The following RHBDF2 variants were observed in gnomAD, a reference collection of about 807,000 sequenced individuals.
The protein encoded by RHBDF2 is inactive rhomboid protein 2.
Under a neutral mutation model 95.2 loss-of-function variants are expected in RHBDF2, and 38 were observed. That is an observed-to-expected ratio of 0.40 (90% confidence interval 0.31 to 0.52). The LOEUF is 0.52. RHBDF2 is among the 20% of genes least tolerant of loss of function. RHBDF2 has a pLI of 0.56. For missense variants in RHBDF2, 863 were observed against 1,137.7 expected (o/e 0.76, Z 3.47); for synonymous variants, 442 against 462.0 (o/e 0.96, Z 0.55).
At chr17:76,489,525 A>G (rs1297525777) in intron 1 of RHBDF2, among the ~76,000 whole-genome samples, 2 of 152,020 alleles carry the variant, frequency 1.3e-5, no homozygotes, top group African/African-American at 2.4e-5. Context: ...GGGTTTCACC[A>G]TGTTAGCCAG....
In RHBDF2 at chr17:76,481,502, C is replaced by T. The variant is rs1416744550; in HGVS notation, c.23G>A (p.Gly8Asp). Residue 8 changes from glycine (G) to aspartate (D), a missense_variant, in exon 3 of 19, where the codon GGC (glycine) becomes GAC (aspartate). Coordinates refer to ENST00000675367, the MANE Select transcript of RHBDF2 (RefSeq NM_001005498.4). ...GCTGGACACAGAGGACACGCTCCCG[C>T]CATTCTTGTCAGCAGAGGCCATTGT... MASADKN[G>D]GSVSSVSSSR... 1 of 1,610,636 alleles carries T rather than the reference C, an allele frequency of 6.2e-7. No homozygotes were observed. The highest frequency in any genetic ancestry group is 1.3e-5 in the African/African-American group (1 of 74,900).
Position 76,497,080 on chromosome 17 carries a change from A to C in RHBDF2, c.-220+4273T>G, listed in dbSNP as rs149981765. 3.3e-3 allele frequency among the ~76,000 whole-genome samples: 506 copies of C among 152,216 alleles called. 3 individuals are homozygous for C. Among genetic ancestry groups the C allele is most frequent in the African/African-American group, 0.011 (468 of 41,540 alleles). On this transcript the variant is annotated intron_variant, in intron 1 of 18. Coordinates refer to ENST00000675367, the MANE Select transcript of RHBDF2 (RefSeq NM_001005498.4). ...CTGGCCCCAGATCTTCTTATGACTA[A>C]ATGGAGCTGACAACCTGGGGAGACC...
chr17:76,479,697 G>T (rs1285180333), intron 4 of RHBDF2, 36 bp downstream of exon 4: 1 of 1,516,130 alleles, frequency 6.6e-7, no homozygotes, highest in Admixed American at 1.7e-5. Flanking sequence ...AGGTTGCTGG[G>T]TGGGGGGTGC....
chr17:76,480,246 C>G (rs534263798), intron 3 of RHBDF2, among the ~76,000 whole-genome samples: 122 of 151,196 alleles, frequency 8.1e-4, no homozygotes, highest in Middle Eastern at 3.4e-3. Context: ...CCACACCCGG[C>G]TAATTTTTGT....
At chr17:76,492,550 G>T (rs1184990211) in intron 1 of RHBDF2, among the ~76,000 whole-genome samples, 1 of 152,132 alleles carries the variant, frequency 6.6e-6, no homozygotes, top group Non-Finnish European at 1.5e-5. Flanking sequence ...GGGTCCCCCC[G>T]CCATGCGGAC....
In RHBDF2 at chr17:76,471,129, T is replaced by C. The variant is rs2073543726; in HGVS notation, c.*504A>G. On this transcript the variant is annotated 3_prime_UTR_variant, in exon 19 of 19. Coordinates refer to ENST00000675367, the MANE Select transcript of RHBDF2 (RefSeq NM_001005498.4). ...CATGGCCAAAGCCTTTCCCACAATGTCCCATCTGAGAGCCTTATGGATGGG... is the reference window on the plus strand; with the variant it reads ...CATGGCCAAAGCCTTTCCCACAATGCCCCATCTGAGAGCCTTATGGATGGG... 6.2e-6 allele frequency: 1 copy of C among 160,576 alleles called. No individual in the cohort carries two copies. Among genetic ancestry groups the C allele is most frequent in the Admixed American group, 5.7e-5 (1 of 17,480 alleles). The allele number at this position is 160,576 out of a possible 1,614,324, so 9.9% of individuals were successfully genotyped here.
rs1598654769 is a variant in RHBDF2, at chr17:76,474,593, C to T, written c.1303-59G>A. On this transcript the variant is annotated intron_variant, in intron 11 of 18. Coordinates refer to ENST00000675367, the MANE Select transcript of RHBDF2 (RefSeq NM_001005498.4). ...TTGAGCCCCAGACCTGGGAGGGGTCCATCACTCCACCTCTGCCCCGCAGAG... is the reference window on the plus strand; with the variant it reads ...TTGAGCCCCAGACCTGGGAGGGGTCTATCACTCCACCTCTGCCCCGCAGAG... The T allele has an allele frequency of 3.7e-6, 6 of 1,610,344 alleles. No homozygotes were observed. In the East Asian group the frequency reaches 1.1e-4, roughly 30 times the overall value.
At chr17:76,491,809 A>AC (rs2074309599) in intron 1 of RHBDF2, among the ~76,000 whole-genome samples, 1 of 152,128 alleles carries the variant, frequency 6.6e-6, no homozygotes, top group Admixed American at 6.5e-5. Flanking sequence ...GGACTGTCAG[A>AC]CCCACTCTGG....
At chr17:76,485,580 T>C (rs1040467598) in intron 2 of RHBDF2, among the ~76,000 whole-genome samples, 2 of 151,582 alleles carry the variant, frequency 1.3e-5, no homozygotes, top group African/African-American at 4.9e-5. Flanking sequence ...GGCGACAGAG[T>C]GAGACTCCGT....
At chr17:76,475,245 C>T in intron 9 of RHBDF2, 104 bp from the exon 10 acceptor site, 1 of 742,020 alleles carries the variant, frequency 1.3e-6, no homozygotes, top group Non-Finnish European at 2.3e-6. Flanking sequence ...CCTGGGCTCC[C>T]TGTTCTGCCC....
rs1195575373 is a variant in RHBDF2, at chr17:76,472,701, G to C, written c.2049C>G (p.Leu683=). 1.2e-6 allele frequency: 2 copies of C among 1,613,972 alleles called. No homozygotes were observed. Among genetic ancestry groups the C allele is most frequent in the East Asian group, 2.2e-5 (1 of 44,900 alleles). The change falls in exon 18 of 19, where the codon CTC becomes CTG. Residue 683 remains leucine (L), a synonymous_variant. Transcript: ENST00000675367. The stretch of plus-strand genomic sequence containing the variant: ...ACATCCTTACCTCTGCCCGGTATGG[G>C]AGAAAGATGGCACTGGCGAGGTTGC... ...ITGNLASAIF[L]PYRAEVGPAG...
chr17:76,496,144 C>A (rs985075678), intron 1 of RHBDF2, among the ~76,000 whole-genome samples: 1 of 152,154 alleles, frequency 6.6e-6, no homozygotes. Flanking sequence ...TGGGTTGATG[C>A]CCCACCACGG....
rs1031707510 is a variant in RHBDF2, at chr17:76,478,943, G to C, written c.535C>G (p.Pro179Ala). The change falls in exon 6 of 19, where the codon CCG (proline) becomes GCG (alanine). Residue 179 changes from proline to alanine, a missense_variant. Transcript: ENST00000675367. ...ACTCCGGGGGTCAGCGGTGGGTGCG[G>C]GGCGTGGGGCCTGTCCATCTCCTCC... Reference protein sequence around the residue: ...HPEEMDRPHAPHPPLTPGVLS... With the variant: ...HPEEMDRPHAAHPPLTPGVLS... 3 of 1,598,222 alleles carry C rather than the reference G, an allele frequency of 1.9e-6. No individual in the cohort carries two copies. In the South Asian group the frequency reaches 3.4e-5, roughly 18 times the overall value.
chr17:76,479,770 A>T lies in RHBDF2; in HGVS notation c.235T>A (p.Phe79Ile), dbSNP rs1232963180. 6.2e-7 allele frequency: 1 copy of T among 1,612,608 alleles called. No homozygotes were observed. The highest frequency in any genetic ancestry group is 1.7e-5 in the Admixed American group (1 of 59,958). ...WQESSEKRPG[F>I]RRQASLSQSI... ...TGGGACAGTGAGGCCTGGCGGCGGA[A>T]GCCAGGGCGCTTCTCTGAACTCTCC... The change falls in exon 4 of 19, where the codon TTC becomes ATC. Residue 79 changes from phenylalanine to isoleucine, a missense_variant. By Grantham distance (21) the Phe-to-Ile change is conservative. This residue lies in a region of RHBDF2 where 611 missense variants were observed against 725.5 expected (regional missense o/e 0.84). Transcript: ENST00000675367.
At chr17:76,493,750 G>A (rs955443493) in intron 1 of RHBDF2, among the ~76,000 whole-genome samples, 5 of 152,310 alleles carry the variant, frequency 3.3e-5, no homozygotes, top group African/African-American at 4.8e-5. Context: ...AACCCACTCC[G>A]CCGGTACACG....
intron 3 of RHBDF2, among the ~76,000 whole-genome samples, chr17:76,480,162 C>T (rs999684927): frequency 7.1e-6 from 1 of 141,362 alleles, no homozygotes; most frequent in African/African-American, 2.7e-5. Context: ...GACTCACTGA[C>T]ACCTCCGCCT....
chr17:76,477,073 C>T (rs756079322), intron 8 of RHBDF2, 49 bp from the exon 9 acceptor site: 43 of 1,611,378 alleles, frequency 2.7e-5, no homozygotes, highest in Non-Finnish European at 2.4e-5. Flanking sequence ...AAAATACTCC[C>T]AGACCCCACC....
At chr17:76,491,433 G>GA (rs56748371) in intron 1 of RHBDF2, among the ~76,000 whole-genome samples, 1 of 79,012 alleles carries the variant, frequency 1.3e-5, no homozygotes, top group Admixed American at 1.1e-4. Flanking sequence ...GCAATCAGTT[G>GA]GGGGGGGGTC....
rs2073542736 is a variant in RHBDF2, at chr17:76,471,101, G to C, written c.*532C>G. The C allele has an allele frequency of 6.3e-6, 1 of 158,424 alleles. No individual in the cohort carries two copies. The highest frequency in any genetic ancestry group is 2.4e-5 in the African/African-American group (1 of 41,470). The allele number at this position is 158,424 out of a possible 1,614,324, so 9.8% of individuals were successfully genotyped here. A position where few individuals can be genotyped will look rare whatever the true frequency, so the allele number is the denominator to read the frequency against. ...TCTCCCCCCTTGTTCTCTGCCCCCA[G>C]ACCATGGCCAAAGCCTTTCCCACAA... is the stretch of plus-strand genomic sequence containing the variant. On this transcript the variant is annotated 3_prime_UTR_variant, in exon 19 of 19. Coordinates refer to ENST00000675367, the MANE Select transcript of RHBDF2 (RefSeq NM_001005498.4).
Sources: gnomAD v4.1 joint callset for allele counts (sites outside exome capture counted in the v4.1 genomes callset) on GRCh38, gnomAD v4.1.1 for gene constraint, gnomAD v4.1.1 regional missense constraint, MANE v1.5 for transcripts, NCBI Gene and HGNC (gene_info 2026-07-23, HGNC 2026-07-21) for gene names.